The following GLIS3 variants were observed in gnomAD, a reference collection of about 807,000 sequenced individuals.
GLIS3 encodes the protein GLIS family zinc finger 3, also known as zinc finger protein GLIS3.
Under a neutral mutation model 78.6 loss-of-function variants are expected in GLIS3, and 53 were observed. The ratio of observed to expected loss-of-function variants is 0.67; its 90% CI spans 0.54 to 0.85. The LOEUF (loss-of-function observed/expected upper bound fraction) is 0.85. GLIS3 is among the 40% of genes least tolerant of loss of function. GLIS3 has a pLI of 0.00. For synonymous variants in GLIS3, 684 were observed against 509.9 expected (o/e 1.34, Z -4.60); for missense variants, 1,703 against 1,231.1 (o/e 1.38, Z -5.74).
chr9:3,885,843 ACAAAG>A (rs1822039406), intron 7 of GLIS3, among the ~76,000 whole-genome samples: 1 of 152,236 alleles, frequency 6.6e-6, no homozygotes, highest in South Asian at 2.1e-4. Flanking sequence ...TATTAACAGA[ACAAAG>A]CAAAGCATAC....
chr9:3,898,515 T>C, intron 7 of GLIS3, 176 bp downstream of exon 7: 1 of 715,764 alleles, frequency 1.4e-6, no homozygotes, highest in South Asian at 1.5e-5. Context: ...GAAAAAACAA[T>C]CTGCTGCCAC....
chr9:3,919,540 T>G (rs1178695718), intron 6 of GLIS3, among the ~76,000 whole-genome samples: 1 of 151,774 alleles, frequency 6.6e-6, no homozygotes, highest in East Asian at 1.9e-4. Context: ...GTAGTATGCT[T>G]AATACCCGGG....
At chr9:4,408,366 T>C in the GLIS3 span, among the ~76,000 whole-genome samples, 1 of 150,262 alleles carries the variant, frequency 6.7e-6, no homozygotes, top group South Asian at 2.1e-4. Context: ...CTGTTCTCTA[T>C]AGAGAATAGA....
In GLIS3 at chr9:3,826,273, G is replaced by A. The variant is rs1817719709; in HGVS notation, c.*1999C>T. On this transcript the variant is annotated 3_prime_UTR_variant, in exon 11 of 11. Coordinates refer to ENST00000381971, the MANE Select transcript of GLIS3 (RefSeq NM_001042413.2). The stretch of plus-strand genomic sequence containing the variant: ...AGATGGTTTCTCTGAAGATAGCAGA[G>A]TTTTTTTCTTTCCAGAGTATGACAA... 1 of 152,208 alleles carries A rather than the reference G, an allele frequency of 6.6e-6. No individual in the cohort carries two copies. The highest frequency in any genetic ancestry group is 6.5e-5 in the Admixed American group (1 of 15,292). 9.4% of individuals were successfully genotyped at this position (152,208 alleles called of 1,614,324 possible). A position where few individuals can be genotyped will look rare whatever the true frequency, so the allele number is the denominator to read the frequency against.
chr9:4,067,971 A>G (rs1325553193), intron 4 of GLIS3, among the ~76,000 whole-genome samples: 1 of 152,154 alleles, frequency 6.6e-6, no homozygotes, highest in East Asian at 1.9e-4. Context: ...GGTAAAGATA[A>G]TAGAAAAAGT....
At chr9:4,268,841 G>C (rs952390910) in intron 2 of GLIS3, among the ~76,000 whole-genome samples, 5 of 152,152 alleles carry the variant, frequency 3.3e-5, no homozygotes, top group Non-Finnish European at 7.4e-5. Flanking sequence ...CAAGCCTCTA[G>C]GTTCTGGTAT....
chr9:4,265,988 G>C (rs937621266), intron 2 of GLIS3, among the ~76,000 whole-genome samples: 2 of 150,554 alleles, frequency 1.3e-5, no homozygotes, highest in South Asian at 2.1e-4. Context: ...ACATGATCTC[G>C]GCTCACTGCA....
At chr9:4,014,925 G>A (rs761437651) in intron 4 of GLIS3, among the ~76,000 whole-genome samples, 17 of 152,084 alleles carry the variant, frequency 1.1e-4, no homozygotes, top group African/African-American at 3.9e-4. Context: ...CTCTTTCTGA[G>A]GTCACTGCGC....
At chr9:4,305,914 A>G (rs1241866838) in intron 4 of GLIS3, 1 of 152,200 alleles carries the variant, frequency 6.6e-6, no homozygotes, top group Non-Finnish European at 1.5e-5. Context: ...ACAAGTCAGT[A>G]AATGCCTTTT....
At chr9:4,287,018 C>T (rs543120295) in intron 1 of GLIS3, among the ~76,000 whole-genome samples, 33 of 152,214 alleles carry the variant, frequency 2.2e-4, no homozygotes, top group Non-Finnish European at 4.1e-4. Context: ...TAAGAGCTAT[C>T]TTGTCACAGT....
chr9:3,955,572 G>A (rs953666808), intron 4 of GLIS3, among the ~76,000 whole-genome samples: 17 of 152,124 alleles, frequency 1.1e-4, no homozygotes, highest in African/African-American at 3.9e-4. Context: ...GTCATGAGCA[G>A]TAGTTATGGT....
intron 4 of GLIS3, among the ~76,000 whole-genome samples, chr9:3,997,164 T>C (rs1820808331): frequency 1.3e-5 from 2 of 152,010 alleles, no homozygotes; most frequent in African/African-American, 4.8e-5. Flanking sequence ...CTGACCAACA[T>C]GGAAAAACCC....
At chr9:4,013,522 A>G (rs1822203014) in intron 4 of GLIS3, among the ~76,000 whole-genome samples, 1 of 152,358 alleles carries the variant, frequency 6.6e-6, no homozygotes, top group Middle Eastern at 3.4e-3. Context: ...ACTAATCTGC[A>G]TACACATCTA....
At chr9:3,916,656 A>C (rs895025641) in intron 6 of GLIS3, among the ~76,000 whole-genome samples, 1 of 152,224 alleles carries the variant, frequency 6.6e-6, no homozygotes, top group Admixed American at 6.5e-5. Flanking sequence ...AAAGGATTAA[A>C]GTTAAGGATT....
At chr9:4,455,806 C>G in the GLIS3 span, among the ~76,000 whole-genome samples, 1 of 152,026 alleles carries the variant, frequency 6.6e-6, no homozygotes, top group Non-Finnish European at 1.5e-5. Context: ...TTTTCATTTC[C>G]TAGTACATAT....
the GLIS3 span, among the ~76,000 whole-genome samples, chr9:4,368,103 G>T: frequency 6.6e-6 from 1 of 152,148 alleles, no homozygotes; most frequent in African/African-American, 2.4e-5. Context: ...GTATCACATG[G>T]CATGACTATT....
At chr9:4,308,521 C>A (rs1489517737) in intron 4 of GLIS3, among the ~76,000 whole-genome samples, 1 of 152,066 alleles carries the variant, frequency 6.6e-6, no homozygotes, top group African/African-American at 2.4e-5. Flanking sequence ...ACACCCTCTC[C>A]TCCCTCCTCC....
chr9:4,439,682 G>C, the GLIS3 span, among the ~76,000 whole-genome samples: 433 of 152,124 alleles, frequency 2.8e-3, 5 homozygotes, highest in South Asian at 0.042. Flanking sequence ...TTTGGTTTTT[G>C]TTCTTTTTGA....
intron 4 of GLIS3, among the ~76,000 whole-genome samples, chr9:4,009,287 A>C (rs756183227): frequency 1.1e-4 from 16 of 152,178 alleles, no homozygotes; most frequent in Non-Finnish European, 2.1e-4. Context: ...GCTGTGCTGC[A>C]GACACAAGGT....
Sources: gnomAD v4.1 joint callset for allele counts (sites outside exome capture counted in the v4.1 genomes callset) on GRCh38, gnomAD v4.1.1 for gene constraint, MANE v1.5 for transcripts, NCBI Gene and HGNC (gene_info 2026-07-23, HGNC 2026-07-21) for gene names.